TANC2: variants seen among roughly 807,000 people sequenced by gnomAD.
TANC2 encodes the protein protein TANC2.
In TANC2, 26 loss-of-function variants were observed where a neutral mutation model predicts 210.5. The ratio of observed to expected loss-of-function variants is 0.12; its 90% CI spans 0.09 to 0.17. TANC2 has a LOEUF of 0.17. Among genes scored for constraint, TANC2 ranks in the 10% least tolerant of loss-of-function variants. The pLI, the probability that TANC2 is intolerant of heterozygous loss-of-function variation, is 1.00. For missense variants in TANC2, 2,129 were observed against 2,608.9 expected (o/e 0.82, Z 4.01); for synonymous variants, 931 against 967.1 (o/e 0.96, Z 0.69).
At chr17:63,368,866 G>A (rs559186668) in intron 14 of TANC2, among the ~76,000 whole-genome samples, 5 of 152,214 alleles carry the variant, frequency 3.3e-5, no homozygotes, top group Non-Finnish European at 7.3e-5. Context: ...AAGATAAAAA[G>A]TAAGAGACTA....
intron 13 of TANC2, 147 bp from the exon 14 acceptor site, chr17:63,354,636 T>TTTACTTTTTGGATACTA: frequency 9.9e-7 from 1 of 1,005,110 alleles, no homozygotes. Context: ...ACTAATTTGT[T>TTTACTTTTTGGATACTA]TTACTTTTTG....
chr17:63,315,961 T>C (rs890843968), intron 10 of TANC2, among the ~76,000 whole-genome samples: 3 of 152,192 alleles, frequency 2.0e-5, no homozygotes, highest in African/African-American at 7.2e-5. Flanking sequence ...ATGAAGCTCT[T>C]CTGAGGTAGA....
chr17:63,024,696 A>G (rs761096390), intron 2 of TANC2, among the ~76,000 whole-genome samples: 3 of 152,190 alleles, frequency 2.0e-5, no homozygotes, highest in African/African-American at 4.8e-5. Flanking sequence ...TTTTATGTGC[A>G]TTACCTAATT....
At position 63,421,451 on chromosome 17, in the gene TANC2, G is replaced by C. The variant is rs781713644; in HGVS notation, c.5721G>C (p.Leu1907=). 1 of 1,613,870 alleles carries C rather than the reference G, an allele frequency of 6.2e-7. No individual in the cohort carries two copies. Among genetic ancestry groups the C allele is most frequent in the Admixed American group, 1.7e-5 (1 of 59,994 alleles). Residue 1907 remains leucine (L), a synonymous_variant, in exon 28 of 28, where the codon CTG becomes CTC. Transcript: ENST00000689528. The surrounding 1 kb of genome is among the most constrained non-coding windows in gnomAD (Gnocchi z 6.9). ...CATATGAGAGGTCATGTGACGAGCT[G>C]TCGCCAGTGTCTCCAACTCAAGGAG...
intron 8 of TANC2, among the ~76,000 whole-genome samples, chr17:63,257,447 T>G (rs1044538599): frequency 1.3e-5 from 2 of 151,638 alleles, no homozygotes; most frequent in African/African-American, 4.9e-5. Flanking sequence ...AACCCCCACC[T>G]CCTGGGCTCA....
intron 9 of TANC2, among the ~76,000 whole-genome samples, chr17:63,300,042 C>G (rs1418763371): frequency 6.6e-6 from 1 of 152,098 alleles, no homozygotes; most frequent in African/African-American, 2.4e-5. Flanking sequence ...AATAAGGAGT[C>G]CTTTCCCTAT....
At chr17:63,270,369 A>G (rs2043662426) in intron 9 of TANC2, among the ~76,000 whole-genome samples, 1 of 152,172 alleles carries the variant, frequency 6.6e-6, no homozygotes, top group African/African-American at 2.4e-5. Flanking sequence ...ATATGTGATT[A>G]TTATATCCAC....
intron 2 of TANC2, among the ~76,000 whole-genome samples, chr17:63,035,820 C>T (rs2034949267): frequency 1.3e-5 from 2 of 152,154 alleles, no homozygotes; most frequent in South Asian, 2.1e-4. Context: ...TTCATTCCCA[C>T]CAGCAACATA....
intron 14 of TANC2, among the ~76,000 whole-genome samples, chr17:63,372,402 G>A (rs183199057): frequency 6.6e-6 from 1 of 152,108 alleles, no homozygotes; most frequent in African/African-American, 2.4e-5. Context: ...TAAGGACAGG[G>A]TATCACATTT....
At chr17:63,369,944 C>CA (rs1046160793) in intron 14 of TANC2, among the ~76,000 whole-genome samples, 6 of 151,358 alleles carry the variant, frequency 4.0e-5, no homozygotes, top group East Asian at 1.9e-4. Context: ...CTTCCCTACA[C>CA]AAAAAAAAGA....
chr17:63,106,558 GC>G (rs1567727215), intron 4 of TANC2, among the ~76,000 whole-genome samples: 2 of 151,558 alleles, frequency 1.3e-5, no homozygotes, highest in Admixed American at 1.3e-4. Flanking sequence ...CAGGATTCTT[GC>G]TACAACTGGG....
intron 14 of TANC2, among the ~76,000 whole-genome samples, chr17:63,376,943 A>C (rs1413243279): frequency 6.6e-6 from 1 of 151,606 alleles, no homozygotes; most frequent in Non-Finnish European, 1.5e-5. Flanking sequence ...TCAGTCTCCC[A>C]AGTAGCTGGG....
chr17:63,089,654 A>G (rs1457750752), intron 3 of TANC2, among the ~76,000 whole-genome samples: 6 of 152,120 alleles, frequency 3.9e-5, no homozygotes, highest in Non-Finnish European at 8.8e-5. Flanking sequence ...AATGTGTGAG[A>G]TAATTGCAGT....
chr17:63,129,524 C>T (rs758914746), intron 4 of TANC2, among the ~76,000 whole-genome samples: 1 of 152,056 alleles, frequency 6.6e-6, no homozygotes, highest in Non-Finnish European at 1.5e-5. Context: ...TTAAGACCAG[C>T]CTGGCCAATA....
intron 9 of TANC2, among the ~76,000 whole-genome samples, chr17:63,273,576 A>C (rs1037284170): frequency 6.6e-6 from 1 of 152,292 alleles, no homozygotes; most frequent in East Asian, 1.9e-4. Flanking sequence ...TGACTTTGCA[A>C]ACTCCAAGAA....
intron 2 of TANC2, among the ~76,000 whole-genome samples, chr17:63,070,612 C>T (rs1314236378): frequency 2.0e-5 from 3 of 152,036 alleles, no homozygotes; most frequent in South Asian, 2.1e-4. Context: ...AAATCTAGGT[C>T]ACTCCTAGTT....
intron 7 of TANC2, among the ~76,000 whole-genome samples, chr17:63,202,769 C>G (rs1036287299): frequency 2.6e-5 from 4 of 152,086 alleles, no homozygotes; most frequent in African/African-American, 4.8e-5. Context: ...TTACTTTTCC[C>G]TTTATCCTCA....
intron 7 of TANC2, among the ~76,000 whole-genome samples, chr17:63,201,698 A>G (rs755971924): frequency 2.0e-5 from 3 of 151,280 alleles, no homozygotes; most frequent in African/African-American, 4.9e-5. Context: ...CTTCAACCCA[A>G]TTAGCAGTTT....
intron 2 of TANC2, among the ~76,000 whole-genome samples, chr17:63,026,405 A>G (rs188712089): frequency 4.6e-5 from 7 of 152,296 alleles, no homozygotes; most frequent in African/African-American, 9.6e-5. Flanking sequence ...AGTGTATAGA[A>G]TAGACTGCAG....
Sources: allele counts gnomAD v4.1 joint callset (sites outside exome capture counted in the v4.1 genomes callset), GRCh38; gene constraint gnomAD v4.1.1; non-coding constraint Gnocchi (gnomAD v3.1); transcripts MANE v1.5; gene names NCBI Gene and HGNC (gene_info 2026-07-23, HGNC 2026-07-21).